ICMT: variants seen among roughly 807,000 people sequenced by gnomAD.
ICMT encodes protein-S-isoprenylcysteine O-methyltransferase.
A neutral mutation model predicts 32.2 loss-of-function variants in ICMT; 10 were observed. The observed-to-expected ratio is 0.31, with a 90% confidence interval of 0.19 to 0.53. ICMT has a LOEUF of 0.53. Ranked by LOEUF, ICMT falls within the 20% of genes least tolerant of loss-of-function variation. The pLI is 0.96. For missense variants in ICMT, 265 were observed against 356.9 expected, an observed-to-expected ratio of 0.74 and a Z score of 2.07; for synonymous variants, 183 against 158.2, an observed-to-expected ratio of 1.16 and a Z score of -1.18.
chr1:6,228,777 A>C (rs1273845993), intron 4 of ICMT, among the ~76,000 whole-genome samples: 1 of 152,092 alleles, frequency 6.6e-6, no homozygotes, highest in African/African-American at 2.4e-5. Flanking sequence ...CTGTAATCCC[A>C]GCACTTTGGG....
chr1:6,235,017 G>C (rs745362126), intron 1 of ICMT, 43 bp from the exon 2 acceptor site: 2 of 1,520,884 alleles, frequency 1.3e-6, no homozygotes, highest in East Asian at 2.3e-5. Context: ...ACAGTCCTCA[G>C]AGTACAGATC....
rs547780085 is a variant in ICMT at position 6,224,024 on chromosome 1, G to C, written c.*1056C>G. The C allele has an allele frequency of 1.9e-4, 29 of 152,302 alleles. No individual in the cohort carries two copies. The highest frequency in any genetic ancestry group is 7.0e-4 in the African/African-American group (29 of 41,564). The allele number at this position is 152,302 out of a possible 1,614,324, so 9.4% of individuals were successfully genotyped here. ...TTGCAGTATTTAAGATTATTTTTGA[G>C]AGTCAATCTGCTTGGATTTGTAGTT... On this transcript the variant is annotated 3_prime_UTR_variant, in exon 5 of 5. Transcript: ENST00000343813.
intron 4 of ICMT, among the ~76,000 whole-genome samples, chr1:6,227,167 G>A (rs947741030): frequency 1.3e-5 from 2 of 152,162 alleles, no homozygotes; most frequent in African/African-American, 4.8e-5. Context: ...ACAAGTGCTG[G>A]AGCACAATGT....
In ICMT at chr1:6,225,148, ACTC is replaced by A. The variant is rs763749930; in HGVS notation, c.784_786del (p.Glu262del). ...GGCACCCTCTTCTTATACTCCAGGTACTCCTCTCCAAAAAAGTGAATTAGTGAG... is the reference window on the plus strand; with the variant it reads ...GGCACCCTCTTCTTATACTCCAGGTACTCTCCAAAAAAGTGAATTAGTGAG... On this transcript the variant is annotated inframe_deletion, in exon 5 of 5. Coordinates refer to ENST00000343813, the MANE Select transcript of ICMT (RefSeq NM_012405.4). 1 of 1,613,866 alleles carries A rather than the reference ACTC, an allele frequency of 6.2e-7. No individual in the cohort carries two copies. The highest frequency in any genetic ancestry group is 8.5e-7 in the Non-Finnish European group (1 of 1,179,944).
chr1:6,225,299 G>A (rs750645949), intron 4 of ICMT, 37 bp from the exon 5 acceptor site: 27 of 1,587,996 alleles, frequency 1.7e-5, no homozygotes, highest in South Asian at 1.0e-4. Context: ...CAGGGTGACC[G>A]TGGGATGACG....
rs975270181 is a variant in ICMT at position 6,225,346 on chromosome 1, G to A, written c.673-84C>T. ...GGTAGGCGTCTGTCTCTAATACCCA[G>A]AGGATTTCTGTGCCCATGCCCTGCT... is the stretch of plus-strand genomic sequence containing the variant. On this transcript the variant is annotated intron_variant, in intron 4 of 4. Transcript: ENST00000343813. 6.0e-6 allele frequency: 8 copies of A among 1,334,598 alleles called. No individual in the cohort carries two copies. The African/African-American group carries it at 1.2e-4, about 19-fold the overall frequency. The allele number at this position is 1,334,598 out of a possible 1,614,324, so 82.7% of individuals were successfully genotyped here.
At position 6,235,840 on chromosome 1, in the gene ICMT, GC is replaced by G; in HGVS notation, c.71del (p.Gly24AlafsTer43). ...ARLSLATFLL[G>X]ASVLALPLLT... is the part of the protein sequence containing the mutation. Reference sequence around the variant, plus strand: ...GCAGCGGCAGCGCGAGCACCGAGGCGCCCAGCAGGAAGGTGGCGAGGCTGAG... The same window carrying G: ...GCAGCGGCAGCGCGAGCACCGAGGCGCCAGCAGGAAGGTGGCGAGGCTGAG... On this transcript the variant is annotated frameshift_variant, in exon 1 of 5. Transcript: ENST00000343813. LOFTEE classifies it high-confidence loss of function. 1.6e-6 allele frequency: 2 copies of G among 1,283,278 alleles called. No homozygotes were observed. Among genetic ancestry groups the G allele is most frequent in the South Asian group, 3.6e-5 (2 of 55,858 alleles). 79.5% of individuals were successfully genotyped at this position (1,283,278 alleles called of 1,614,324 possible).
intron 1 of ICMT, 102 bp downstream of exon 1, chr1:6,235,615 G>C: frequency 2.6e-6 from 2 of 769,254 alleles, no homozygotes; most frequent in Non-Finnish European, 3.3e-6. Flanking sequence ...GAGCGCGCGC[G>C]TGGGAGGCCA....
chr1:6,232,017 T>C lies in ICMT; in HGVS notation c.557A>G (p.Asn186Ser). 2 of 1,614,150 alleles carry C rather than the reference T, an allele frequency of 1.2e-6. No homozygotes were observed. The highest frequency in any genetic ancestry group is 1.7e-6 in the Non-Finnish European group (2 of 1,180,028). Residue 186 changes from asparagine (N) to serine (S), a missense_variant, in exon 4 of 5, where the codon AAC becomes AGC. Coordinates refer to ENST00000343813, the MANE Select transcript of ICMT (RefSeq NM_012405.4). ...AAMFTAGSNF[N>S]HVVQNEKSDT... Reference sequence around the variant, plus strand: ...TGATTTTTCATTCTGTACCACGTGGTTGAAATTGGAGCCAGCTGTAAACAT... The same window carrying C: ...TGATTTTTCATTCTGTACCACGTGGCTGAAATTGGAGCCAGCTGTAAACAT...
intron 4 of ICMT, among the ~76,000 whole-genome samples, chr1:6,227,651 T>C (rs1025775761): frequency 6.6e-6 from 1 of 151,938 alleles, no homozygotes; most frequent in Non-Finnish European, 1.5e-5. Flanking sequence ...GTCAGGAGAT[T>C]GAGATCATCC....
chr1:6,234,094 C>T (rs1204273042), intron 2 of ICMT, among the ~76,000 whole-genome samples: 1 of 152,152 alleles, frequency 6.6e-6, no homozygotes, highest in Non-Finnish European at 1.5e-5. Flanking sequence ...CCAGGCTGGT[C>T]TTGAACTCCT....
At chr1:6,228,987 C>G (rs574042118) in intron 4 of ICMT, among the ~76,000 whole-genome samples, 1 of 149,448 alleles carries the variant, frequency 6.7e-6, no homozygotes, top group South Asian at 2.1e-4. Context: ...GAGCCAAGAT[C>G]GCACCACTGC....
rs530481807 is a variant in ICMT, at chr1:6,224,110, G to C, written c.*970C>G. On this transcript the variant is annotated 3_prime_UTR_variant, in exon 5 of 5. Coordinates refer to ENST00000343813, the MANE Select transcript of ICMT (RefSeq NM_012405.4). ...ATGACATGAGGGACAATGTAATTTT[G>C]AGAACAGAACACAGAAAACAAGAGT... 3 of 152,290 alleles carry C rather than the reference G, an allele frequency of 2.0e-5. No individual in the cohort carries two copies. The South Asian group carries it at 6.2e-4, about 32-fold the overall frequency. The allele number at this position is 152,290 out of a possible 1,614,324, so 9.4% of individuals were successfully genotyped here.
intron 4 of ICMT, among the ~76,000 whole-genome samples, chr1:6,228,892 C>T (rs978821418): frequency 1.3e-5 from 2 of 151,600 alleles, no homozygotes; most frequent in Non-Finnish European, 1.5e-5. Context: ...ATTAGCTGGG[C>T]GAGGTAGTGC....
chr1:6,233,428 G>A lies in ICMT; in HGVS notation c.454+46C>T. ...AATGTCACTGTCCTCAGCCTGAATG[G>A]GAGCCACCCTTTTCCCCTCCAGAGG... On this transcript the variant is annotated intron_variant, in intron 3 of 4. Transcript: ENST00000343813. The A allele has an allele frequency of 2.6e-6, 4 of 1,561,882 alleles. No homozygotes were observed. In the South Asian group the frequency reaches 4.7e-5, roughly 18 times the overall value.
intron 3 of ICMT, among the ~76,000 whole-genome samples, chr1:6,233,042 G>A (rs375196026): frequency 1.1e-4 from 16 of 151,740 alleles, no homozygotes; most frequent in African/African-American, 3.4e-4. Flanking sequence ...TTTTAGTAGA[G>A]ACGGGGTTTC....
At chr1:6,234,266 C>T (rs1003448472) in intron 2 of ICMT, 8 of 354,826 alleles carry the variant, frequency 2.3e-5, no homozygotes, top group African/African-American at 1.7e-4. Context: ...ACACTACACA[C>T]AATAAAACAT....
In ICMT at chr1:6,232,237, G is replaced by C. The variant is rs1303210243; in HGVS notation, c.455-118C>G. 1.4e-5 allele frequency: 9 copies of C among 666,448 alleles called. No homozygotes were observed. The Admixed American group carries it at 2.0e-4, about 15-fold the overall frequency. 41.3% of individuals were successfully genotyped at this position (666,448 alleles called of 1,614,324 possible). ...GACAGAAACAGAAAATGTGCTGCTG[G>C]GCAATCAGCATTTGTCATCACATTA... On this transcript the variant is annotated intron_variant, in intron 3 of 4. Coordinates refer to ENST00000343813, the MANE Select transcript of ICMT (RefSeq NM_012405.4).
intron 3 of ICMT, 30 bp downstream of exon 3, chr1:6,233,444 C>T (rs2100968923): frequency 6.3e-7 from 1 of 1,593,852 alleles, no homozygotes; most frequent in East Asian, 2.2e-5. Flanking sequence ...ACCCTTTTCC[C>T]CTCCAGAGGG....
Sources: allele counts gnomAD v4.1 joint callset (sites outside exome capture counted in the v4.1 genomes callset), GRCh38; gene constraint gnomAD v4.1.1; transcripts MANE v1.5; gene names NCBI Gene and HGNC (gene_info 2026-07-23, HGNC 2026-07-21).